Variants in RERE observed in about 807,000 individuals in gnomAD.
RERE encodes arginine-glutamic acid dipeptide repeats.
A neutral mutation model predicts 146.1 loss-of-function variants in RERE; 40 were observed. The observed-to-expected ratio is 0.27, with a 90% CI of 0.21 to 0.36. RERE has a LOEUF of 0.36. RERE is among the 10% of genes least tolerant of loss of function. RERE has a pLI of 1.00. For missense variants in RERE, 1,933 were observed against 2,138.7 expected, an observed-to-expected ratio of 0.90 and a Z score of 1.90; for synonymous variants, 1,003 against 866.0, an observed-to-expected ratio of 1.16 and a Z score of -2.78.
intron 2 of RERE, among the ~76,000 whole-genome samples, chr1:8,648,714 C>A (rs967221483): frequency 2.0e-5 from 3 of 152,062 alleles, no homozygotes; most frequent in Non-Finnish European, 4.4e-5. Flanking sequence ...CATTTTTCCT[C>A]AAAATTGTCA....
chr1:8,557,312 CA>C, intron 5 of RERE, 105 bp downstream of exon 5: 1 of 769,246 alleles, frequency 1.3e-6, no homozygotes, highest in Non-Finnish European at 2.2e-6. Flanking sequence ...ACCAACACTC[CA>C]AAATCCATTT....
intron 11 of RERE, among the ~76,000 whole-genome samples, chr1:8,443,742 G>A (rs569585806): frequency 1.3e-5 from 2 of 152,290 alleles, no homozygotes; most frequent in African/African-American, 2.4e-5. Context: ...ATGCCCCTGT[G>A]ACTACATCCT....
At chr1:8,397,054 G>A (rs1446086924) in intron 12 of RERE, among the ~76,000 whole-genome samples, 1 of 152,182 alleles carries the variant, frequency 6.6e-6, no homozygotes, top group African/African-American at 2.4e-5. Flanking sequence ...GGAGAAACAG[G>A]AGCTGATTCT....
At chr1:8,815,477 C>T (rs1033317558) in intron 1 of RERE, among the ~76,000 whole-genome samples, 1 of 152,086 alleles carries the variant, frequency 6.6e-6, no homozygotes, top group South Asian at 2.1e-4. Flanking sequence ...GAGAGCTGAA[C>T]GTAAGGCCAC....
intron 11 of RERE, among the ~76,000 whole-genome samples, chr1:8,434,295 C>G (rs967607131): frequency 1.3e-5 from 2 of 152,094 alleles, no homozygotes; most frequent in Non-Finnish European, 2.9e-5. Flanking sequence ...TGAGCAGCTG[C>G]CAGCTCAACA....
At chr1:8,665,959 A>G (rs534217415) in intron 1 of RERE, among the ~76,000 whole-genome samples, 2 of 152,312 alleles carry the variant, frequency 1.3e-5, no homozygotes, top group East Asian at 3.9e-4. Flanking sequence ...TATCAATGCA[A>G]AAGTAAGCAC....
chr1:8,358,109 T>A (rs1404046412), intron 20 of RERE, 87 bp downstream of exon 20: 11 of 1,514,060 alleles, frequency 7.3e-6, no homozygotes, highest in Non-Finnish European at 4.4e-6. Context: ...AAAAGAACAG[T>A]TTCCGCTCCT....
chr1:8,611,662 C>T (rs1646794954), intron 4 of RERE, among the ~76,000 whole-genome samples: 1 of 152,206 alleles, frequency 6.6e-6, no homozygotes, highest in Non-Finnish European at 1.5e-5. Flanking sequence ...CTAATATCCT[C>T]ACTAGTCCTT....
chr1:8,789,298 A>AT (rs1406970957), intron 1 of RERE, among the ~76,000 whole-genome samples: 1,051 of 103,038 alleles, frequency 0.01, 1 homozygote, highest in Middle Eastern at 0.014. Context: ...AAAAAAAAAA[A>AT]AAAATATATA....
In RERE at chr1:8,376,475, C is replaced by T. The variant is rs76065605; in HGVS notation, c.1285-10501G>A. On this transcript the variant is annotated intron_variant, in intron 12 of 22. Coordinates refer to ENST00000400908, the MANE Select transcript of RERE (RefSeq NM_001042681.2). ...AATTATGCACATGTCTATAGAAACG[C>T]TTTCTGCTTCCTATACCAAGAACAA... Among the ~76,000 whole-genome samples, 4 of 152,318 alleles carry T rather than the reference C, an allele frequency of 2.6e-5. No homozygotes were observed. The East Asian group carries it at 7.7e-4, about 29-fold the overall frequency.
intron 7 of RERE, among the ~76,000 whole-genome samples, chr1:8,509,267 T>C (rs537897950): frequency 4.6e-5 from 7 of 152,282 alleles, no homozygotes; most frequent in Non-Finnish European, 1.0e-4. Context: ...CATTCTTTCA[T>C]GCCTCAGAGA....
At chr1:8,382,952 G>A (rs1642508570) in intron 12 of RERE, among the ~76,000 whole-genome samples, 8 of 151,340 alleles carry the variant, frequency 5.3e-5, no homozygotes. Flanking sequence ...TTCCATCTGG[G>A]AAAAGGACCA....
intron 1 of RERE, among the ~76,000 whole-genome samples, chr1:8,714,710 C>G (rs1006437908): frequency 6.6e-6 from 1 of 152,114 alleles, no homozygotes; most frequent in Non-Finnish European, 1.5e-5. Flanking sequence ...AGCACCAAGG[C>G]TGATCTATAG....
intron 4 of RERE, among the ~76,000 whole-genome samples, chr1:8,575,707 T>C (rs1570459815): frequency 1.3e-5 from 2 of 151,902 alleles, no homozygotes; most frequent in Admixed American, 1.3e-4. Flanking sequence ...GAAATAACTT[T>C]ATAATTAACT....
intron 4 of RERE, among the ~76,000 whole-genome samples, chr1:8,586,134 T>A (rs1217919798): frequency 6.6e-6 from 1 of 152,148 alleles, no homozygotes; most frequent in African/African-American, 2.4e-5. Context: ...CTAGGTCAAA[T>A]GACTTGGAAT....
intron 1 of RERE, among the ~76,000 whole-genome samples, chr1:8,691,572 C>T (rs1639207845): frequency 6.6e-6 from 1 of 152,146 alleles, no homozygotes; most frequent in South Asian, 2.1e-4. Flanking sequence ...CATGGATAGG[C>T]TTCAAAGGCT....
intron 1 of RERE, chr1:8,753,537 C>T (rs1036942248): frequency 6.6e-6 from 1 of 152,060 alleles, no homozygotes; most frequent in Admixed American, 6.6e-5. Context: ...TCATCAAAGT[C>T]AAGACACTCC....
At chr1:8,810,949 G>A (rs1641795162) in intron 1 of RERE, among the ~76,000 whole-genome samples, 1 of 152,112 alleles carries the variant, frequency 6.6e-6, no homozygotes, top group South Asian at 2.1e-4. Flanking sequence ...AAAATAAAAG[G>A]AGAATAAGAC....
chr1:8,554,006 G>A (rs1481457362), intron 6 of RERE, among the ~76,000 whole-genome samples: 1 of 151,644 alleles, frequency 6.6e-6, no homozygotes, highest in Non-Finnish European at 1.5e-5. Context: ...GTGAAACCCT[G>A]TCTCTACTAA....
Sources: gnomAD v4.1 joint callset for allele counts (sites outside exome capture counted in the v4.1 genomes callset) on GRCh38, gnomAD v4.1.1 for gene constraint, MANE v1.5 for transcripts, NCBI Gene and HGNC (gene_info 2026-07-23, HGNC 2026-07-21) for gene names.